The following PCLO variants were observed in gnomAD, a reference collection of about 807,000 sequenced individuals.
The protein encoded by PCLO is piccolo presynaptic cytomatrix protein.
Under a neutral mutation model 427.5 loss-of-function variants are expected in PCLO, and 82 were observed. That is an observed-to-expected ratio of 0.19 (90% CI 0.16 to 0.23). PCLO has a LOEUF of 0.23. Among genes scored for constraint, PCLO ranks in the 10% least tolerant of loss-of-function variants. The probability of loss-of-function intolerance (pLI) is 1.00; values close to 1 mark genes in which losing one functional copy is unlikely to be tolerated. For missense variants in PCLO, 6,239 were observed against 6,115.9 expected (o/e 1.02, Z -0.67); for synonymous variants, 2,357 against 2,155.4 (o/e 1.09, Z -2.59).
In PCLO at chr7:83,135,612, T is replaced by C; in HGVS notation, c.1938A>G (p.Leu646=). 1 of 1,611,090 alleles carries C rather than the reference T, an allele frequency of 6.2e-7. No individual in the cohort carries two copies. Among genetic ancestry groups the C allele is most frequent in the Non-Finnish European group, 8.5e-7 (1 of 1,178,410 alleles). ...LCLNCQMKRA[L]GGDLAPVPSS... ...ACGGAACTGGAGCCAGATCCCCGCCTAGAGCTCTTTTCATTTGACAGTTCA... is the reference window on the plus strand; with the variant it reads ...ACGGAACTGGAGCCAGATCCCCGCCCAGAGCTCTTTTCATTTGACAGTTCA... Residue 646 remains leucine (L), a synonymous_variant, in exon 3 of 25, where the codon CTA becomes CTG. Transcript: ENST00000333891.
intron 2 of PCLO, among the ~76,000 whole-genome samples, chr7:83,143,656 A>AAC (rs1791922142): frequency 6.6e-6 from 1 of 151,894 alleles, no homozygotes; most frequent in African/African-American, 2.4e-5. Flanking sequence ...AAAAAAAAAA[A>AAC]AAAAACCTGA....
chr7:83,017,624 A>T (rs549788507), intron 3 of PCLO, among the ~76,000 whole-genome samples: 1 of 152,150 alleles, frequency 6.6e-6, no homozygotes, highest in South Asian at 2.1e-4. Context: ...TCCTAATGAT[A>T]TATTGAAATG....
Position 82,902,675 on chromosome 7 carries a change from C to G in PCLO, c.13504G>C (p.Asp4502His), listed in dbSNP as rs753992558. ...CCTGAAACTGTGTGATCCTTTGAGTCTCTTGTTATTTTTATCCTTGCGTGA... is the reference window on the plus strand; with the variant it reads ...CCTGAAACTGTGTGATCCTTTGAGTGTCTTGTTATTTTTATCCTTGCGTGA... ...FPHARIKITR[D>H]SKDHTVSGNG... Residue 4502 changes from aspartate to histidine, a missense_variant, in exon 9 of 25, where the codon GAC becomes CAC. By Grantham distance (81) the Asp-to-His change is moderately conservative. Transcript: ENST00000333891. The G allele has an allele frequency of 6.3e-7, 1 of 1,594,746 alleles. No homozygotes were observed. Among genetic ancestry groups the G allele is most frequent in the South Asian group, 1.1e-5 (1 of 90,662 alleles).
rs1189211660 is a variant in PCLO at position 83,096,951 on chromosome 7, TA to T, written c.3300+37298del. Among the ~76,000 whole-genome samples, 44 of 58,852 alleles carry T rather than the reference TA, an allele frequency of 7.5e-4. 12 individuals carry two copies. The highest frequency in any genetic ancestry group is 3.3e-3 in the African/African-American group (43 of 12,966). The allele number at this position is 58,852 out of a possible 152,430, so 38.6% of individuals were successfully genotyped here. ...ATAATATAATATATTATATATTATA[TA>T]AATAATATAATATAATATATTATAT... On this transcript the variant is annotated intron_variant, in intron 3 of 24. Coordinates refer to ENST00000333891, the MANE Select transcript of PCLO (RefSeq NM_033026.6).
intron 17 of PCLO, among the ~76,000 whole-genome samples, chr7:82,827,039 A>C (rs1791962445): frequency 6.6e-6 from 1 of 152,070 alleles, no homozygotes; most frequent in Non-Finnish European, 1.5e-5. Context: ...TAAATGTTTC[A>C]GCAATTTCCA....
At chr7:82,865,551 T>C (rs1793072234) in intron 10 of PCLO, among the ~76,000 whole-genome samples, 1 of 151,974 alleles carries the variant, frequency 6.6e-6, no homozygotes, top group African/African-American at 2.4e-5. Context: ...GTATATTTCC[T>C]ACTAAAATAT....
At chr7:82,848,806 TA>T (rs887347303) in intron 10 of PCLO, 18 of 274,492 alleles carry the variant, frequency 6.6e-5, no homozygotes, top group Non-Finnish European at 2.3e-5. Context: ...AGTCAAATGG[TA>T]AAAGAATTCC....
chr7:82,939,257 A>G (rs1795024885), intron 6 of PCLO, among the ~76,000 whole-genome samples: 1 of 152,140 alleles, frequency 6.6e-6, no homozygotes, highest in Admixed American at 6.6e-5. Context: ...TGATTGCTAT[A>G]TAATGTATTT....
At chr7:82,810,771 G>A (rs1791552752) in intron 20 of PCLO, among the ~76,000 whole-genome samples, 1 of 151,628 alleles carries the variant, frequency 6.6e-6, no homozygotes, top group Non-Finnish European at 1.5e-5. Context: ...TCTTCAATTA[G>A]TTTGCTCTGT....
chr7:82,860,558 G>T (rs1349981034), intron 10 of PCLO, among the ~76,000 whole-genome samples: 1 of 152,160 alleles, frequency 6.6e-6, no homozygotes, highest in East Asian at 1.9e-4. Context: ...AGATGCTAAA[G>T]GGGGTACACT....
At chr7:82,884,341 A>G (rs1584098870) in intron 9 of PCLO, among the ~76,000 whole-genome samples, 2 of 152,132 alleles carry the variant, frequency 1.3e-5, no homozygotes, top group South Asian at 2.1e-4. Context: ...ATACACAAAA[A>G]TGACACTGGT....
intron 3 of PCLO, among the ~76,000 whole-genome samples, chr7:83,079,889 A>G (rs1035063525): frequency 6.6e-6 from 1 of 150,802 alleles, no homozygotes; most frequent in Non-Finnish European, 1.5e-5. Flanking sequence ...TCACCCCCCC[A>G]CAGACCCCAA....
chr7:83,057,272 T>C (rs1460169867), intron 3 of PCLO, among the ~76,000 whole-genome samples: 2 of 136,776 alleles, frequency 1.5e-5, no homozygotes, highest in African/African-American at 5.4e-5. Context: ...TCTTGAACTC[T>C]TGACCTCAAA....
chr7:83,024,371 C>T (rs199645534), intron 3 of PCLO, among the ~76,000 whole-genome samples: 1 of 152,200 alleles, frequency 6.6e-6, no homozygotes, highest in African/African-American at 2.4e-5. Flanking sequence ...TCGGGTCACT[C>T]CCACCCGAAT....
At chr7:83,085,731 T>TA (rs1410481477) in intron 3 of PCLO, among the ~76,000 whole-genome samples, 1 of 151,638 alleles carries the variant, frequency 6.6e-6, no homozygotes, top group South Asian at 2.1e-4. Flanking sequence ...GAGAATACTT[T>TA]AAAAAAACAC....
chr7:82,848,973 C>G, intron 10 of PCLO: 1 of 334,390 alleles, frequency 3.0e-6, no homozygotes, highest in South Asian at 2.5e-5. Flanking sequence ...GACAACAACA[C>G]TAAATAAAAA....
At position 82,847,212 on chromosome 7, in the gene PCLO, TC is replaced by T; in HGVS notation, c.13689del (p.Thr4564LeufsTer23). On this transcript the variant is annotated frameshift_variant, in exon 11 of 25. Coordinates refer to ENST00000333891, the MANE Select transcript of PCLO (RefSeq NM_033026.6). LOFTEE classifies it high-confidence loss of function. ...MQVLEWNGIPLTSKTYEEVQS... is the reference protein window; with the variant it reads ...MQVLEWNGIPXTSKTYEEVQS... ...TGAACTTCTTCATATGTTTTAGAAG[TC>T]AAGGGAATTCCATTCCATTCCAATA... 6.2e-7 allele frequency: 1 copy of T among 1,602,358 alleles called. No individual in the cohort carries two copies.
In PCLO at chr7:82,915,727, G is replaced by A. The variant is rs748708109; in HGVS notation, c.12259C>T (p.Arg4087Trp). 25 of 1,611,824 alleles carry A rather than the reference G, an allele frequency of 1.6e-5. No individual in the cohort carries two copies. The highest frequency in any genetic ancestry group is 1.4e-4 in the South Asian group (13 of 90,948). Residue 4087 changes from arginine (R) to tryptophan (W), a missense_variant, in exon 7 of 25, where the codon CGG becomes TGG. Around this residue, in one of 5 missense-constraint regions of PCLO, gnomAD observed 680 missense variants for 677.3 expected, o/e 1.00. Coordinates refer to ENST00000333891, the MANE Select transcript of PCLO (RefSeq NM_033026.6). Reference sequence around the variant, plus strand: ...AGGAAATCTGTCACTTCTTGAGACCGGCGTGTCTCAGTGGTTCGAAGGAGA... The same window carrying A: ...AGGAAATCTGTCACTTCTTGAGACCAGCGTGTCTCAGTGGTTCGAAGGAGA... ...DRLLRTTETR[R>W]SQEVTDFLAP...
intron 2 of PCLO, among the ~76,000 whole-genome samples, chr7:83,149,557 CTG>C (rs1562991931): frequency 6.6e-6 from 1 of 152,242 alleles, no homozygotes; most frequent in Admixed American, 6.5e-5. Flanking sequence ...AAAAAAGTCT[CTG>C]TGCTAAAAAC....
Sources: allele counts gnomAD v4.1 joint callset (sites outside exome capture counted in the v4.1 genomes callset), GRCh38; gene constraint gnomAD v4.1.1; regional missense constraint gnomAD v4.1.1; transcripts MANE v1.5; gene names NCBI Gene and HGNC (gene_info 2026-07-23, HGNC 2026-07-21).